Variants in PRRT3 observed in about 807,000 individuals in gnomAD.
PRRT3 encodes the protein proline-rich transmembrane protein 3.
In PRRT3, 48 loss-of-function variants were observed where a neutral mutation model predicts 56.6. The observed-to-expected ratio is 0.85, with a 90% CI of 0.67 to 1.08. The LOEUF is 1.08. Among genes scored for constraint, PRRT3 ranks in the 50% least tolerant of loss-of-function variants. The pLI is 0.00. For synonymous variants in PRRT3, 641 were observed against 619.1 expected (o/e 1.04, Z -0.52); for missense variants, 1,370 against 1,353.1 (o/e 1.01, Z -0.20).
intron 1 of PRRT3, 125 bp from the exon 2 acceptor site, chr3:9,950,297 C>T (rs922867176): frequency 7.9e-5 from 33 of 416,758 alleles, no homozygotes; most frequent in Admixed American, 3.3e-4. Context: ...AATTGCTGGA[C>T]GTGGCACTTG....
chr3:9,952,146 C>T (rs1246348636), intron 1 of PRRT3, among the ~76,000 whole-genome samples, 176 bp downstream of exon 1: 1 of 151,184 alleles, frequency 6.6e-6, no homozygotes, highest in East Asian at 1.9e-4. Context: ...GGTTACCTCT[C>T]CTCCTCCTCC....
At position 9,947,876 on chromosome 3, in the gene PRRT3, G is replaced by C. The variant is rs1235164960; in HGVS notation, c.1297C>G (p.Pro433Ala). The change falls in exon 4 of 4, where the codon CCT (proline) becomes GCT (alanine). Residue 433 changes from proline to alanine, a missense_variant. By Grantham distance (27) the Pro-to-Ala change is conservative (BLOSUM62 -1). Transcript: ENST00000412055. The surrounding 1 kb of genome is among the most constrained non-coding windows in gnomAD (Gnocchi z 9.2). ...TTQRALGQPP[P>A]PEPTASSMAS... Reference sequence around the variant, plus strand: ...ATGGAGCTGGCGGTGGGCTCCGGAGGGGGAGGCTGGCCCAGGGCTCGCTGC... The same window carrying C: ...ATGGAGCTGGCGGTGGGCTCCGGAGCGGGAGGCTGGCCCAGGGCTCGCTGC... 1 of 1,428,286 alleles carries C rather than the reference G, an allele frequency of 7.0e-7. No homozygotes were observed. The allele number at this position is 1,428,286 out of a possible 1,614,324, so 88.5% of individuals were successfully genotyped here. A position where few individuals can be genotyped will look rare whatever the true frequency, so the allele number is the denominator to read the frequency against.
chr3:9,950,179 A>G lies in PRRT3; in HGVS notation c.-57-7T>C. 7.7e-7 allele frequency: 1 copy of G among 1,292,320 alleles called. No homozygotes were observed. Among genetic ancestry groups the G allele is most frequent in the Non-Finnish European group, 9.9e-7 (1 of 1,006,330 alleles). 80.1% of individuals were successfully genotyped at this position (1,292,320 alleles called of 1,614,324 possible). On this transcript the variant is annotated splice_polypyrimidine_tract_variant and splice_region_variant and intron_variant, in intron 1 of 3. Transcript: ENST00000412055. ...CAGTCCTCACTGGATGAGCCTAAAA[A>G]AAAAACAGGGCATGGAATGACATGT...
In PRRT3 at chr3:9,947,303, G is replaced by T. The variant is rs2124877954; in HGVS notation, c.1870C>A (p.Leu624Met). Residue 624 changes from leucine (L) to methionine (M), a missense_variant, in exon 4 of 4, where the codon CTG becomes ATG. Physicochemically the swap from Leu to Met is conservative, Grantham distance 15. Coordinates refer to ENST00000412055, the MANE Select transcript of PRRT3 (RefSeq NM_207351.5). This position sits in a 1 kb window ranked among gnomAD's most constrained non-coding sequence, Gnocchi z 9.2. ...LGTLCLCRRR[L>M]LDGPRGWDAS... ...TCCCAGCCCCGTGGGCCGTCCAGCA[G>T]GCGGCGACGGCACAGGCAGAGCGTG... 1 of 1,583,848 alleles carries T rather than the reference G, an allele frequency of 6.3e-7. No individual in the cohort carries two copies. The highest frequency in any genetic ancestry group is 1.1e-5 in the South Asian group (1 of 88,684).
chr3:9,947,283 G>A lies in PRRT3; in HGVS notation c.1890C>T (p.Gly630=). 3.2e-6 allele frequency: 5 copies of A among 1,548,450 alleles called. No homozygotes were observed. Among genetic ancestry groups the A allele is most frequent in the Non-Finnish European group, 3.5e-6 (4 of 1,152,986 alleles). The part of the protein sequence containing the change: ...CRRRLLDGPR[G]WDASPGPRLL... ...GCCGAGGGCCCGGGCTGGCATCCCA[G>A]CCCCGTGGGCCGTCCAGCAGGCGGC... The change falls in exon 4 of 4, where the codon GGC becomes GGT. Residue 630 remains glycine (G), a synonymous_variant. Transcript: ENST00000412055. This position sits in a 1 kb window ranked among gnomAD's most constrained non-coding sequence, Gnocchi z 9.2.
chr3:9,949,417 C>G lies in PRRT3; in HGVS notation c.699G>C (p.Leu233Phe), dbSNP rs55847233. 0.27 allele frequency: 430,873 copies of G among 1,613,878 alleles called. 67,086 individuals are homozygous for G. Among genetic ancestry groups the G allele is most frequent in the African/African-American group, 0.72 (54,302 of 74,944 alleles). Residue 233 changes from leucine (L) to phenylalanine (F), a missense_variant, in exon 2 of 4, where the codon TTG (leucine) becomes TTC (phenylalanine). Leu to Phe is a conservative substitution (Grantham distance 22, BLOSUM62 0). Coordinates refer to ENST00000412055, the MANE Select transcript of PRRT3 (RefSeq NM_207351.5). This position sits in a 1 kb window ranked among gnomAD's most constrained non-coding sequence, Gnocchi z 4.5. ...AGTGGGGACCTTGAGCTGCCTCCTG[C>G]AAGTGTTCCTCAAACCCACCCTGTC... ...LEGQGGFEEH[L>F]QEAAQGPHFT... is the part of the protein sequence containing the mutation.
At position 9,946,407 on chromosome 3, in the gene PRRT3, C is replaced by A. The variant is rs1402120923; in HGVS notation, c.2766G>T (p.Gly922=). The change falls in exon 4 of 4, where the codon GGG becomes GGT. Residue 922 remains glycine (G), a synonymous_variant. Coordinates refer to ENST00000412055, the MANE Select transcript of PRRT3 (RefSeq NM_207351.5). This position sits in a 1 kb window ranked among gnomAD's most constrained non-coding sequence, Gnocchi z 4.1. The part of the protein sequence containing the change: ...LKISWNPWRH[G]LSSVDSLPLD... ...GGGGCAGACTGTCCACTGATGACAGCCCGTGGCGCCAGGGGTTCCAACTGA... is the reference window on the plus strand; with the variant it reads ...GGGGCAGACTGTCCACTGATGACAGACCGTGGCGCCAGGGGTTCCAACTGA... 1 of 1,605,892 alleles carries A rather than the reference C, an allele frequency of 6.2e-7. No individual in the cohort carries two copies. The highest frequency in any genetic ancestry group is 8.5e-7 in the Non-Finnish European group (1 of 1,175,560).
rs367595627 is a variant in PRRT3, at chr3:9,946,618, C to T, written c.2555G>A (p.Arg852Gln). ...PPPGGALRPR[R>Q]GSHPKAELDD... is the part of the protein sequence containing the mutation. ...GAGCTCGGCTTTGGGATGGCTGCCC[C>T]GGCGCGGCCGCAGAGCGCCTCCAGG... Residue 852 changes from arginine to glutamine, a missense_variant, in exon 4 of 4, where the codon CGG (arginine) becomes CAG (glutamine). Physicochemically the swap from Arg to Gln is conservative, Grantham distance 43 (BLOSUM62 1). Coordinates refer to ENST00000412055, the MANE Select transcript of PRRT3 (RefSeq NM_207351.5). This position sits in a 1 kb window ranked among gnomAD's most constrained non-coding sequence, Gnocchi z 4.1. 1.4e-6 allele frequency: 2 copies of T among 1,393,670 alleles called. No homozygotes were observed. The highest frequency in any genetic ancestry group is 3.0e-5 in the East Asian group (1 of 33,762). The allele number at this position is 1,393,670 out of a possible 1,614,324, so 86.3% of individuals were successfully genotyped here. A position where few individuals can be genotyped will look rare whatever the true frequency, so the allele number is the denominator to read the frequency against.
Position 9,948,751 on chromosome 3 carries a change from C to A in PRRT3, c.1171+7G>T. The A allele has an allele frequency of 6.2e-7, 1 of 1,613,936 alleles. No individual in the cohort carries two copies. Among genetic ancestry groups the A allele is most frequent in the Non-Finnish European group, 8.5e-7 (1 of 1,179,964 alleles). ...TCCCTCTCCCCACACCCCAGCCATG[C>A]TCTCACCTGGCTGCAGGGCCCCCAT... On this transcript the variant is annotated splice_region_variant and intron_variant, in intron 3 of 3. Transcript: ENST00000412055.
chr3:9,950,212 G>C (rs2085602861), intron 1 of PRRT3, 40 bp from the exon 2 acceptor site: 1 of 1,116,680 alleles, frequency 9.0e-7, no homozygotes, highest in East Asian at 3.1e-5. Context: ...TGTGAGGGCT[G>C]GGGGCCCCCA....
In PRRT3 at chr3:9,946,465, G is replaced by C; in HGVS notation, c.2708C>G (p.Ser903Cys). ...TGAACCCCTGGAGAAGCTGTCGAGG[G>C]AGCTGCCAGAAGCCGCAGCGGCTGC... Reference protein sequence around the residue: ...DGAAAAASGSSLDSFSRGSLK... With the variant: ...DGAAAAASGSCLDSFSRGSLK... Residue 903 changes from serine (S) to cysteine (C), a missense_variant, in exon 4 of 4, where the codon TCC becomes TGC. Physicochemically the swap from Ser to Cys is moderately radical, Grantham distance 112 (BLOSUM62 -1). Transcript: ENST00000412055. This position sits in a 1 kb window ranked among gnomAD's most constrained non-coding sequence, Gnocchi z 4.1. 1 of 1,567,604 alleles carries C rather than the reference G, an allele frequency of 6.4e-7. No individual in the cohort carries two copies. Among genetic ancestry groups the C allele is most frequent in the South Asian group, 1.2e-5 (1 of 86,390 alleles).
rs1354334931 is a variant in PRRT3, at chr3:9,949,241, G to C, written c.875C>G (p.Ala292Gly). ...GACTTCCCAGGACACCTCAGCGCCA[G>C]CCCTCTTGGGGGTCTCAACCGGCAG... Reference protein sequence around the residue: ...EELPVETPKRAGAEVSWEVSS... With the variant: ...EELPVETPKRGGAEVSWEVSS... Residue 292 changes from alanine to glycine, a missense_variant, in exon 2 of 4, where the codon GCT becomes GGT. Ala to Gly is a moderately conservative substitution (Grantham distance 60). Transcript: ENST00000412055. The surrounding 1 kb of genome is among the most constrained non-coding windows in gnomAD (Gnocchi z 4.5). 2 of 1,602,904 alleles carry C rather than the reference G, an allele frequency of 1.2e-6. No individual in the cohort carries two copies. The highest frequency in any genetic ancestry group is 4.5e-5 in the East Asian group (2 of 44,828).
rs758306980 is a variant in PRRT3, at chr3:9,947,487, C to T, written c.1686G>A (p.Ala562=). ...LAALTLLGLG[A]GLPPPLQNPL... ...GGTTTTGCAGCGGTGGCGGCAGCCC[C>T]GCGCCCAGGCCGAGCAGAGTCAGGG... Residue 562 remains alanine, a synonymous_variant, in exon 4 of 4, where the codon GCG becomes GCA. Coordinates refer to ENST00000412055, the MANE Select transcript of PRRT3 (RefSeq NM_207351.5). The surrounding 1 kb of genome is among the most constrained non-coding windows in gnomAD (Gnocchi z 9.2). 6.2e-7 allele frequency: 1 copy of T among 1,612,284 alleles called. No individual in the cohort carries two copies. Among genetic ancestry groups the T allele is most frequent in the Non-Finnish European group, 8.5e-7 (1 of 1,179,642 alleles).
chr3:9,949,174 G>A lies in PRRT3; in HGVS notation c.942C>T (p.Asp314=), dbSNP rs370676875. 6.0e-5 allele frequency: 97 copies of A among 1,612,064 alleles called. No homozygotes were observed. The highest frequency in any genetic ancestry group is 6.7e-5 in the African/African-American group (5 of 74,822). The part of the protein sequence containing the change: ...GPPPKQADLP[D]AKDSPGPQPT... ...GCTGGGGTCCTGGTGAATCCTTAGC[G>A]TCAGGAAGGTCAGCCTGCTTGGGCG... is the stretch of plus-strand genomic sequence containing the variant. The change falls in exon 2 of 4, where the codon GAC becomes GAT. Residue 314 remains aspartate (D), a synonymous_variant. Coordinates refer to ENST00000412055, the MANE Select transcript of PRRT3 (RefSeq NM_207351.5). This position sits in a 1 kb window ranked among gnomAD's most constrained non-coding sequence, Gnocchi z 4.5.
intron 1 of PRRT3, 57 bp from the exon 2 acceptor site, chr3:9,950,229 C>T (rs1456159342): frequency 1.3e-6 from 1 of 740,920 alleles, no homozygotes; most frequent in Non-Finnish European, 1.9e-6. Flanking sequence ...CCCATGCCTT[C>T]CTCAAGGGGC....
chr3:9,950,510 C>T (rs1431811012), intron 1 of PRRT3, among the ~76,000 whole-genome samples: 1 of 152,132 alleles, frequency 6.6e-6, no homozygotes, highest in African/African-American at 2.4e-5. Flanking sequence ...TACTGAAATC[C>T]TGTTCTTTTT....
Position 9,947,604 on chromosome 3 carries a change from G to T in PRRT3, c.1569C>A (p.Thr523=), listed in dbSNP as rs778052325. The T allele has an allele frequency of 5.0e-6, 8 of 1,600,826 alleles. No individual in the cohort carries two copies. In the Admixed American group the frequency reaches 8.5e-5, roughly 17 times the overall value. Residue 523 remains threonine (T), a synonymous_variant, in exon 4 of 4, where the codon ACC becomes ACA. Coordinates refer to ENST00000412055, the MANE Select transcript of PRRT3 (RefSeq NM_207351.5). The surrounding 1 kb of genome is among the most constrained non-coding windows in gnomAD (Gnocchi z 9.2). ...GCCGCGCCTGCGAGCCGTAAGGGTC[G>T]GTAAGCATGTAGGCGGATCGCAGCG... ...ASALRSAYML[T]DPYGSQARLG...
In PRRT3 at chr3:9,946,539, C is replaced by T; in HGVS notation, c.2634G>A (p.Val878=). Residue 878 remains valine (V), a synonymous_variant, in exon 4 of 4, where the codon GTG becomes GTA. Transcript: ENST00000412055. The surrounding 1 kb of genome is among the most constrained non-coding windows in gnomAD (Gnocchi z 4.1). The stretch of plus-strand genomic sequence containing the variant: ...GCTGTGGGACCGGCCCGCGCACGCG[C>T]ACGTCGCTGAGCGACCTGCAGCGGC... ...LRGRCRSLSD[V]RVRGPVPQHV... The T allele has an allele frequency of 6.8e-7, 1 of 1,460,134 alleles. No homozygotes were observed. The highest frequency in any genetic ancestry group is 2.8e-5 in the East Asian group (1 of 36,046). The allele number at this position is 1,460,134 out of a possible 1,614,324, so 90.4% of individuals were successfully genotyped here. A position where few individuals can be genotyped will look rare whatever the true frequency, so the allele number is the denominator to read the frequency against.
rs1319836298 is a variant in PRRT3, at chr3:9,949,883, G to T, written c.233C>A (p.Ala78Asp). ...CTTCTCAGGCATCTCTTCAGCAGGGGCGTGGCGGACATCAGAGTTCCTGTG... is the reference window on the plus strand; with the variant it reads ...CTTCTCAGGCATCTCTTCAGCAGGGTCGTGGCGGACATCAGAGTTCCTGTG... ...DSHRNSDVRH[A>D]PAEEMPEKPV... The change falls in exon 2 of 4, where the codon GCC becomes GAC. Residue 78 changes from alanine to aspartate, a missense_variant. Coordinates refer to ENST00000412055, the MANE Select transcript of PRRT3 (RefSeq NM_207351.5). The surrounding 1 kb of genome is among the most constrained non-coding windows in gnomAD (Gnocchi z 4.5). 7.4e-6 allele frequency: 12 copies of T among 1,613,504 alleles called. No homozygotes were observed. The highest frequency in any genetic ancestry group is 3.3e-5 in the Admixed American group (2 of 59,948).
Sources: gnomAD v4.1 joint callset for allele counts (sites outside exome capture counted in the v4.1 genomes callset) on GRCh38, gnomAD v4.1.1 for gene constraint, Gnocchi (gnomAD v3.1) non-coding constraint, MANE v1.5 for transcripts, NCBI Gene and HGNC (gene_info 2026-07-23, HGNC 2026-07-21) for gene names.